Variants in FBN3 observed in about 807,000 individuals in gnomAD.
FBN3 encodes the protein fibrillin 3.
FBN3 carries 234 observed loss-of-function variants against 330.1 expected under a neutral mutation model. The observed-to-expected ratio is 0.71, with a 90% CI of 0.64 to 0.79. FBN3 has a LOEUF of 0.79. Ranked by LOEUF, FBN3 falls within the 30% of genes least tolerant of loss-of-function variation. The probability of loss-of-function intolerance (pLI) is 0.00; values close to 1 mark genes in which losing one functional copy is unlikely to be tolerated. For missense variants in FBN3, 3,606 were observed against 3,886.9 expected (o/e 0.93, Z 1.92); for synonymous variants, 1,458 against 1,517.3 (o/e 0.96, Z 0.91).
intron 8 of FBN3, among the ~76,000 whole-genome samples, chr19:8,141,052 G>T (rs931990897): frequency 1.3e-5 from 2 of 151,506 alleles, no homozygotes; most frequent in Admixed American, 6.6e-5. Flanking sequence ...AAAATTATCC[G>T]GGCGTGGTAG....
At position 8,112,066 on chromosome 19, in the gene FBN3, C is replaced by T; in HGVS notation, c.3872G>A (p.Cys1291Tyr). 2 of 1,613,624 alleles carry T rather than the reference C, an allele frequency of 1.2e-6. No homozygotes were observed. Among genetic ancestry groups the T allele is most frequent in the Non-Finnish European group, 1.7e-6 (2 of 1,179,824 alleles). ...VDECEVGGHNCDSHASCLNIP... is the reference protein window; with the variant it reads ...VDECEVGGHNYDSHASCLNIP... ...GTTGAGACAGGAGGCGTGACTGTCA[C>T]AGTTGTGTCCTCCAACCTCGCATTC... Residue 1291 changes from cysteine to tyrosine, a missense_variant, in exon 31 of 64, where the codon TGT (cysteine) becomes TAT (tyrosine). Cys to Tyr is a radical substitution (Grantham distance 194). Coordinates refer to ENST00000600128, the MANE Select transcript of FBN3 (RefSeq NM_032447.5).
intron 5 of FBN3, among the ~76,000 whole-genome samples, chr19:8,145,468 C>G (rs2083514358): frequency 6.6e-6 from 1 of 150,836 alleles, no homozygotes; most frequent in South Asian, 2.1e-4. Context: ...ATCACGAGGT[C>G]AGGAGATCAA....
At position 8,091,530 on chromosome 19, in the gene FBN3, G is replaced by A. The variant is rs760983427; in HGVS notation, c.5966C>T (p.Pro1989Leu). ...LCLFGTCTNS[P>L]GSFQCLCPPG... is the part of the protein sequence containing the mutation. ...TGGGCAGAGGCACTGGAAGCTCCCAGGGCTGTTGGTACAGGTGCCAAAGAG... is the reference window on the plus strand; with the variant it reads ...TGGGCAGAGGCACTGGAAGCTCCCAAGGCTGTTGGTACAGGTGCCAAAGAG... Residue 1989 changes from proline to leucine, a missense_variant, in exon 48 of 64, where the codon CCT becomes CTT. Coordinates refer to ENST00000600128, the MANE Select transcript of FBN3 (RefSeq NM_032447.5). 1.2e-6 allele frequency: 2 copies of A among 1,614,212 alleles called. No homozygotes were observed. The highest frequency in any genetic ancestry group is 8.5e-7 in the Non-Finnish European group (1 of 1,180,042).
chr19:8,116,515 G>C (rs757641306), intron 29 of FBN3, among the ~76,000 whole-genome samples, 159 bp downstream of exon 29: 15 of 152,214 alleles, frequency 9.9e-5, no homozygotes, highest in Admixed American at 9.2e-4. Context: ...CTTATGTGGA[G>C]AAGCAAGTGC....
intron 51 of FBN3, among the ~76,000 whole-genome samples, chr19:8,088,777 G>A (rs1210222909): frequency 1.3e-5 from 2 of 152,232 alleles, no homozygotes; most frequent in Non-Finnish European, 2.9e-5. Context: ...TTGAATGGGT[G>A]AATGAGCAAG....
At chr19:8,143,775 G>GC (rs201384056) in intron 6 of FBN3, among the ~76,000 whole-genome samples, 46,172 of 149,940 alleles carry the variant, frequency 0.31, 7,839 homozygotes, top group South Asian at 0.48. Flanking sequence ...TTGCAGGCAT[G>GC]AGCCACAGTG....
intron 63 of FBN3, 130 bp downstream of exon 63, chr19:8,071,918 G>A (rs2081521244): frequency 2.2e-6 from 2 of 922,406 alleles, no homozygotes; most frequent in Non-Finnish European, 3.2e-6. Flanking sequence ...CATGACATGG[G>A]GAACCTGTTG....
At chr19:8,128,889 C>T in intron 18 of FBN3, 139 bp downstream of exon 18, 1 of 1,019,588 alleles carries the variant, frequency 9.8e-7, no homozygotes, top group Non-Finnish European at 1.4e-6. Context: ...GTGCACACTA[C>T]ATATAGCATG....
At chr19:8,098,864 G>C (rs1012740079) in intron 41 of FBN3, among the ~76,000 whole-genome samples, 1 of 151,866 alleles carries the variant, frequency 6.6e-6, no homozygotes, top group African/African-American at 2.4e-5. Flanking sequence ...AACAATCCAA[G>C]TGTCCATCAA....
At chr19:8,138,905 A>G (rs1330796277) in intron 8 of FBN3, among the ~76,000 whole-genome samples, 4 of 152,022 alleles carry the variant, frequency 2.6e-5, no homozygotes, top group Non-Finnish European at 4.4e-5. Flanking sequence ...AAATTAGCCA[A>G]GGGTGGTGGC....
Position 8,109,619 on chromosome 19 carries a change from G to T in FBN3, c.4456+12C>A, listed in dbSNP as rs1169474138. 1 of 1,591,516 alleles carries T rather than the reference G, an allele frequency of 6.3e-7. No individual in the cohort carries two copies. The highest frequency in any genetic ancestry group is 1.1e-5 in the South Asian group (1 of 87,242). The stretch of plus-strand genomic sequence containing the variant: ...CCCCAGAACCCTGATCTGGAGTTGA[G>T]CATGGACTCACCCACGCAGCCCACT... On this transcript the variant is annotated intron_variant, in intron 35 of 63. Transcript: ENST00000600128. The surrounding 1 kb of genome is among the most constrained non-coding windows in gnomAD (Gnocchi z 5.2).
chr19:8,131,420 G>T lies in FBN3; in HGVS notation c.1991-132C>A. ...TAAGACACAACTCCAACCCCGGGGA[G>T]GGAGCAACTCCCTTCAGCCTCTTTT... On this transcript the variant is annotated intron_variant, in intron 15 of 63. Coordinates refer to ENST00000600128, the MANE Select transcript of FBN3 (RefSeq NM_032447.5). This position sits in a 1 kb window ranked among gnomAD's most constrained non-coding sequence, Gnocchi z 4.5. 1 of 1,450,624 alleles carries T rather than the reference G, an allele frequency of 6.9e-7. No individual in the cohort carries two copies. The highest frequency in any genetic ancestry group is 9.5e-7 in the Non-Finnish European group (1 of 1,055,240). 89.9% of individuals were successfully genotyped at this position (1,450,624 alleles called of 1,614,324 possible). A position where few individuals can be genotyped will look rare whatever the true frequency, so the allele number is the denominator to read the frequency against.
rs1485182119 is a variant in FBN3, at chr19:8,083,283, C to T, written c.7177G>A (p.Gly2393Arg). The T allele has an allele frequency of 1.9e-6, 3 of 1,614,010 alleles. No homozygotes were observed. The highest frequency in any genetic ancestry group is 2.2e-5 in the East Asian group (1 of 44,896). The change falls in exon 57 of 64, where the codon GGG becomes AGG. Residue 2393 changes from glycine to arginine, a missense_variant. Coordinates refer to ENST00000600128, the MANE Select transcript of FBN3 (RefSeq NM_032447.5). ...LGSFRCHCQA[G>R]YTPDATATTC... ...GTAGCAGTAGCATCCGGTGTGTACC[C>T]GGCCTGACAGTGGCAGCGGAAGGAG...
chr19:8,077,800 C>T (rs1599273097), intron 59 of FBN3, among the ~76,000 whole-genome samples: 1 of 151,496 alleles, frequency 6.6e-6, no homozygotes, highest in East Asian at 2.0e-4. Context: ...ATGTCTGGCA[C>T]AGCCAGGCAC....
In FBN3 at chr19:8,071,956, G is replaced by C. The variant is rs371306929; in HGVS notation, c.8088+92C>G. On this transcript the variant is annotated intron_variant, in intron 63 of 63. Coordinates refer to ENST00000600128, the MANE Select transcript of FBN3 (RefSeq NM_032447.5). ...ATCTGGAGCCTGGTGCTCCTTCTTG[G>C]GGGGGCTGACATGACTAAGTCGGGT... is the stretch of plus-strand genomic sequence containing the variant. The C allele has an allele frequency of 9.0e-5, 118 of 1,313,132 alleles. 1 individual carries two copies. The highest frequency in any genetic ancestry group is 6.3e-4 in the South Asian group (45 of 71,618). The allele number at this position is 1,313,132 out of a possible 1,614,324, so 81.3% of individuals were successfully genotyped here.
chr19:8,103,249 AGAGT>A (rs2082366072), intron 39 of FBN3, among the ~76,000 whole-genome samples: 1 of 135,486 alleles, frequency 7.4e-6, no homozygotes, highest in Non-Finnish European at 1.6e-5. Flanking sequence ...CCTGGGTGAC[AGAGT>A]GAGACTCTAT....
intron 39 of FBN3, 103 bp downstream of exon 39, chr19:8,103,459 G>A (rs546783502): frequency 3.2e-6 from 4 of 1,232,736 alleles, no homozygotes; most frequent in African/African-American, 3.0e-5. Flanking sequence ...CTTCATATAT[G>A]CTTACCCTCC....
At chr19:8,139,956 C>T (rs934887109) in intron 8 of FBN3, among the ~76,000 whole-genome samples, 1 of 151,864 alleles carries the variant, frequency 6.6e-6, no homozygotes, top group Non-Finnish European at 1.5e-5. Flanking sequence ...CTGGGGGCCC[C>T]CCAGGTACGT....
Position 8,109,341 on chromosome 19 carries a change from T to C in FBN3, c.4504A>G (p.Ser1502Gly), listed in dbSNP as rs2144812049. 4 of 1,614,176 alleles carry C rather than the reference T, an allele frequency of 2.5e-6. No homozygotes were observed. The highest frequency in any genetic ancestry group is 3.4e-6 in the Non-Finnish European group (4 of 1,180,018). Residue 1502 changes from serine to glycine, a missense_variant, in exon 36 of 64, where the codon AGT becomes GGT. By Grantham distance (56) the Ser-to-Gly change is moderately conservative. Coordinates refer to ENST00000600128, the MANE Select transcript of FBN3 (RefSeq NM_032447.5). The surrounding 1 kb of genome is among the most constrained non-coding windows in gnomAD (Gnocchi z 5.2). ...CFLETHDRGDSGISCSAEIGV... is the reference protein window; with the variant it reads ...CFLETHDRGDGGISCSAEIGV... ...ATCTCGGCACTGCAGGAAATGCCAC[T>C]GTCCCCTCGGTCATGCGTCTCCAGG...
Sources: gnomAD v4.1 joint callset for allele counts (sites outside exome capture counted in the v4.1 genomes callset) on GRCh38, gnomAD v4.1.1 for gene constraint, Gnocchi (gnomAD v3.1) non-coding constraint, MANE v1.5 for transcripts, NCBI Gene and HGNC (gene_info 2026-07-23, HGNC 2026-07-21) for gene names.